The following OSBP2 variants were observed in gnomAD, a reference collection of about 807,000 sequenced individuals.
OSBP2 encodes oxysterol-binding protein 2.
Under a neutral mutation model 96.0 loss-of-function variants are expected in OSBP2, and 66 were observed. The ratio of observed to expected loss-of-function variants is 0.69; its 90% CI spans 0.56 to 0.84. OSBP2 has a LOEUF of 0.84. Among genes scored for constraint, OSBP2 ranks in the 40% least tolerant of loss-of-function variants. OSBP2 has a pLI of 0.00. For synonymous variants in OSBP2, 525 were observed against 520.9 expected (o/e 1.01, Z -0.11); for missense variants, 1,038 against 1,222.7 (o/e 0.85, Z 2.25).
chr22:30,891,042 A>T (rs2039937479), intron 8 of OSBP2, 69 bp downstream of exon 8: 2 of 1,544,476 alleles, frequency 1.3e-6, no homozygotes, highest in East Asian at 2.3e-5. Context: ...TGCCAGGCCC[A>T]AGGTGACAAA....
chr22:30,887,871 G>A (rs2039850255), intron 4 of OSBP2, among the ~76,000 whole-genome samples: 1 of 152,240 alleles, frequency 6.6e-6, no homozygotes, highest in African/African-American at 2.4e-5. Context: ...TGTGACAGGG[G>A]TGTCCTGGTG....
chr22:30,766,509 G>C (rs2090271771), intron 2 of OSBP2, among the ~76,000 whole-genome samples: 1 of 152,184 alleles, frequency 6.6e-6, no homozygotes, highest in African/African-American at 2.4e-5. Context: ...TGAGCCCTTT[G>C]CATTTGGCAG....
intron 2 of OSBP2, among the ~76,000 whole-genome samples, chr22:30,865,883 C>G (rs963682540): frequency 7.2e-5 from 11 of 152,150 alleles, no homozygotes; most frequent in Non-Finnish European, 1.3e-4. Context: ...CCTCCCCACC[C>G]CAGGCTGCCA....
At chr22:30,794,722 G>A (rs1237215855) in intron 2 of OSBP2, among the ~76,000 whole-genome samples, 4 of 151,218 alleles carry the variant, frequency 2.6e-5, no homozygotes, top group Non-Finnish European at 4.4e-5. Context: ...ACCTAAACCC[G>A]GGAGGTGGAA....
chr22:30,735,701 A>ATTCTTC (rs538843733), intron 1 of OSBP2, among the ~76,000 whole-genome samples: 2 of 151,302 alleles, frequency 1.3e-5, no homozygotes, highest in African/African-American at 4.8e-5. Context: ...GGCTGAAGCG[A>ATTCTTC]TTCTTCTTCT....
rs1420791793 is a variant in OSBP2 at position 30,812,294 on chromosome 22, C to T, written c.854-58135C>T. On this transcript the variant is annotated intron_variant, in intron 2 of 13. Transcript: ENST00000332585. ...GATTCTCCTGCCTCAGCCTCCTGAG[C>T]AGCTGGGACTACAGGCGCGCACCAC... Among the ~76,000 whole-genome samples the T allele has an allele frequency of 2.0e-5, 3 of 152,016 alleles. No individual in the cohort carries two copies. In the East Asian group the frequency reaches 5.8e-4, roughly 29 times the overall value.
intron 2 of OSBP2, among the ~76,000 whole-genome samples, chr22:30,852,620 T>A (rs1395718293): frequency 6.6e-6 from 1 of 152,128 alleles, no homozygotes; most frequent in Non-Finnish European, 1.5e-5. Flanking sequence ...CTTTCTAAAT[T>A]CTGTTTTTAT....
intron 2 of OSBP2, among the ~76,000 whole-genome samples, chr22:30,742,113 C>T (rs1214472001): frequency 6.6e-6 from 1 of 151,878 alleles, no homozygotes; most frequent in Non-Finnish European, 1.5e-5. Flanking sequence ...AGCCACCGCG[C>T]CCGGCCAATA....
chr22:30,755,789 GC>G (rs2090132530), intron 2 of OSBP2, among the ~76,000 whole-genome samples: 1 of 152,154 alleles, frequency 6.6e-6, no homozygotes, highest in Non-Finnish European at 1.5e-5. Flanking sequence ...GGTCGATTGT[GC>G]CCCTCTTCAG....
At chr22:30,754,806 G>GC (rs1186297390) in intron 2 of OSBP2, among the ~76,000 whole-genome samples, 1 of 152,156 alleles carries the variant, frequency 6.6e-6, no homozygotes, top group Non-Finnish European at 1.5e-5. Flanking sequence ...GACCTGTCCA[G>GC]CCCCCTGGCT....
intron 2 of OSBP2, among the ~76,000 whole-genome samples, chr22:30,802,858 G>A (rs966788592): frequency 6.6e-6 from 1 of 152,230 alleles, no homozygotes; most frequent in Non-Finnish European, 1.5e-5. Flanking sequence ...CGCTCAGGCT[G>A]ACGGGCGGGC....
rs1032490378 is a variant in OSBP2, at chr22:30,870,957, C to T, written c.1107+275C>T. Among the ~76,000 whole-genome samples the T allele has an allele frequency of 2.6e-5, 4 of 152,160 alleles. No homozygotes were observed. Among genetic ancestry groups the T allele is most frequent in the African/African-American group, 7.2e-5 (3 of 41,418 alleles). On this transcript the variant is annotated intron_variant, in intron 3 of 13. Transcript: ENST00000332585. This position sits in a 1 kb window ranked among gnomAD's most constrained non-coding sequence, Gnocchi z 4.1. ...GTCTGCAGTTATTTACTTCATGCCT[C>T]GATAAGGAAGGTCGGGGCCCCAAGT...
At chr22:30,831,677 C>T (rs1320923324) in intron 2 of OSBP2, among the ~76,000 whole-genome samples, 3 of 152,124 alleles carry the variant, frequency 2.0e-5, no homozygotes, top group Non-Finnish European at 4.4e-5. Flanking sequence ...GGGGGTGATG[C>T]TGGCACTGCC....
chr22:30,797,361 C>T (rs539722014), intron 2 of OSBP2, among the ~76,000 whole-genome samples: 4 of 152,242 alleles, frequency 2.6e-5, no homozygotes, highest in Non-Finnish European at 1.5e-5. Context: ...TGGCTCACTG[C>T]AAACTCCGCC....
At chr22:30,858,220 C>T (rs1345206367) in intron 2 of OSBP2, among the ~76,000 whole-genome samples, 2 of 149,870 alleles carry the variant, frequency 1.3e-5, no homozygotes, top group Admixed American at 6.6e-5. Context: ...AATCTCGGCT[C>T]ACTGCAAGCT....
At chr22:30,827,169 C>G (rs2038422602) in intron 2 of OSBP2, among the ~76,000 whole-genome samples, 1 of 152,024 alleles carries the variant, frequency 6.6e-6, no homozygotes, top group Non-Finnish European at 1.5e-5. Flanking sequence ...AGAAAGGGGC[C>G]CTGCCAGTGG....
chr22:30,859,032 C>A (rs1455902883), intron 2 of OSBP2, among the ~76,000 whole-genome samples: 2 of 152,074 alleles, frequency 1.3e-5, no homozygotes, highest in African/African-American at 4.8e-5. Flanking sequence ...GCAGCCCCTA[C>A]CCCTTCAGGG....
chr22:30,695,043 G>A lies in OSBP2; in HGVS notation c.134G>A (p.Gly45Asp). 1.3e-6 allele frequency: 2 copies of A among 1,589,474 alleles called. No individual in the cohort carries two copies. Among genetic ancestry groups the A allele is most frequent in the Non-Finnish European group, 1.7e-6 (2 of 1,169,850 alleles). ...AAPGMSASTSGSGPEPKPQPQ... is the reference protein window; with the variant it reads ...AAPGMSASTSDSGPEPKPQPQ... The stretch of plus-strand genomic sequence containing the variant: ...CCGGGCATGAGCGCTTCCACGTCCG[G>A]CTCCGGGCCGGAGCCCAAGCCCCAG... The change falls in exon 1 of 14, where the codon GGC becomes GAC. Residue 45 changes from glycine (G) to aspartate (D), a missense_variant. Gly to Asp is a moderately conservative substitution (Grantham distance 94, BLOSUM62 -1). Around this residue, in one of 3 missense-constraint regions of OSBP2, gnomAD observed 281 missense variants for 273.4 expected, o/e 1.03. Transcript: ENST00000332585.
At chr22:30,796,087 C>A (rs1369301281) in intron 2 of OSBP2, among the ~76,000 whole-genome samples, 1 of 152,154 alleles carries the variant, frequency 6.6e-6, no homozygotes, top group Non-Finnish European at 1.5e-5. Context: ...TTACATTTCT[C>A]TTCTGTAGTA....
Sources: allele counts gnomAD v4.1 joint callset (sites outside exome capture counted in the v4.1 genomes callset), GRCh38; gene constraint gnomAD v4.1.1; regional missense constraint gnomAD v4.1.1; non-coding constraint Gnocchi (gnomAD v3.1); transcripts MANE v1.5; gene names NCBI Gene and HGNC (gene_info 2026-07-23, HGNC 2026-07-21).